The following PCDHA4 variants were observed in gnomAD, a reference collection of about 807,000 sequenced individuals.
The protein encoded by PCDHA4 is protocadherin alpha 4.
PCDHA4 carries 49 observed loss-of-function variants against 61.4 expected under a neutral mutation model. That is an observed-to-expected ratio of 0.80 (90% CI 0.63 to 1.01). PCDHA4 has a LOEUF of 1.01. Among genes scored for constraint, PCDHA4 ranks in the 50% least tolerant of loss-of-function variants. The pLI, the probability that PCDHA4 is intolerant of heterozygous loss-of-function variation, is 0.00. For missense variants in PCDHA4, 1,254 were observed against 1,235.8 expected, an observed-to-expected ratio of 1.01 and a Z score of -0.22; for synonymous variants, 590 against 550.3, an observed-to-expected ratio of 1.07 and a Z score of -1.01.
chr5:140,963,196 G>GA (rs199602110), intron 1 of PCDHA4, among the ~76,000 whole-genome samples: 256 of 147,602 alleles, frequency 1.7e-3, no homozygotes, highest in African/African-American at 4.3e-3. Flanking sequence ...CTGTGAAAAT[G>GA]AAAAAAAAAA....
At chr5:140,863,397 C>T in intron 1 of PCDHA4, 1 of 873,170 alleles carries the variant, frequency 1.1e-6, no homozygotes, top group Admixed American at 1.9e-5. Flanking sequence ...GCATGCCGGG[C>T]AAGCCCACGC....
At chr5:140,947,374 T>C (rs1252253428) in intron 1 of PCDHA4, among the ~76,000 whole-genome samples, 7 of 151,768 alleles carry the variant, frequency 4.6e-5, no homozygotes, top group Admixed American at 4.6e-4. Context: ...TTGATCTATA[T>C]GTTTATCCTT....
intron 1 of PCDHA4, among the ~76,000 whole-genome samples, chr5:140,933,174 A>G (rs1400055066): frequency 2.0e-5 from 3 of 151,742 alleles, no homozygotes; most frequent in Non-Finnish European, 3.0e-5. Context: ...AATTGATGGC[A>G]TAAGATAATG....
rs1178619077 is a variant in PCDHA4 at position 140,807,776 on chromosome 5, C to T, written c.589C>T (p.Arg197Trp). ...GGTAAAAGGTCTTGGGCTTATATTA[C>T]GGAAATCTTTAGACAGAGAAGAAGC... ...ELVKGLGLIL[R>W]KSLDREEAPE... is the part of the protein sequence containing the mutation. Residue 197 changes from arginine to tryptophan, a missense_variant, in exon 1 of 4, where the codon CGG becomes TGG. Coordinates refer to ENST00000530339, the MANE Select transcript of PCDHA4 (RefSeq NM_018907.4). 2 of 1,614,004 alleles carry T rather than the reference C, an allele frequency of 1.2e-6. No individual in the cohort carries two copies. The highest frequency in any genetic ancestry group is 3.3e-5 in the Admixed American group (2 of 60,000).
At chr5:140,884,908 T>C (rs1056953779) in intron 1 of PCDHA4, among the ~76,000 whole-genome samples, 1 of 152,234 alleles carries the variant, frequency 6.6e-6, no homozygotes, top group Admixed American at 6.5e-5. Flanking sequence ...TGTTGTATTC[T>C]TAATAGTTCT....
chr5:140,914,785 C>G (rs2153531678), intron 1 of PCDHA4, among the ~76,000 whole-genome samples: 1 of 151,672 alleles, frequency 6.6e-6, no homozygotes, highest in Non-Finnish European at 1.5e-5. Context: ...ATCTTATGAC[C>G]CATTATTTTA....
At chr5:140,980,397 C>T (rs888776890) in intron 2 of PCDHA4, among the ~76,000 whole-genome samples, 3 of 152,100 alleles carry the variant, frequency 2.0e-5, no homozygotes, top group South Asian at 2.1e-4. Context: ...TTTGGGAGGC[C>T]GAGGTGGGCA....
chr5:141,001,213 A>G (rs2097997873), intron 3 of PCDHA4, among the ~76,000 whole-genome samples: 1 of 152,154 alleles, frequency 6.6e-6, no homozygotes, highest in African/African-American at 2.4e-5. Context: ...TGTGCTGTAT[A>G]AGGATAGTTA....
intron 1 of PCDHA4, chr5:140,841,873 A>T: frequency 6.2e-7 from 1 of 1,613,866 alleles, no homozygotes; most frequent in Non-Finnish European, 8.5e-7. Context: ...ATGTGAATTC[A>T]AAGAACGATG....
chr5:140,849,560 C>T, intron 1 of PCDHA4: 1 of 1,598,572 alleles, frequency 6.3e-7, no homozygotes, highest in Non-Finnish European at 8.6e-7. Context: ...TCAAAACGCT[C>T]TCGGTTCCTG....
intron 1 of PCDHA4, chr5:140,843,873 T>C (rs1554140466): frequency 1.3e-6 from 1 of 797,276 alleles, no homozygotes; most frequent in Admixed American, 3.0e-5. Context: ...ATTTTCTCAG[T>C]GGCATAATAC....
At position 140,843,162 on chromosome 5, in the gene PCDHA4, C is replaced by G; in HGVS notation, c.2385+33590C>G. 1.9e-6 allele frequency: 3 copies of G among 1,596,122 alleles called. 1 individual carries two copies. The highest frequency in any genetic ancestry group is 2.6e-6 in the Non-Finnish European group (3 of 1,165,610). ...TGGCTTTCGTATGAGCTGCAGCCAG[C>G]TGCAAGCAGCCCTCGCATCCCGTTC... On this transcript the variant is annotated intron_variant, in intron 1 of 3. Coordinates refer to ENST00000530339, the MANE Select transcript of PCDHA4 (RefSeq NM_018907.4).
intron 1 of PCDHA4, chr5:140,871,109 T>C: frequency 1.9e-6 from 3 of 1,613,236 alleles, no homozygotes; most frequent in Non-Finnish European, 2.5e-6. Context: ...GTGTCGTTGG[T>C]GGAGAGCGGA....
chr5:140,845,302 C>A lies in PCDHA4; in HGVS notation c.2385+35730C>A, dbSNP rs2150378107. On this transcript the variant is annotated intron_variant, in intron 1 of 3. Coordinates refer to ENST00000530339, the MANE Select transcript of PCDHA4 (RefSeq NM_018907.4). ...TATTTCCTATCCTGTCTATGTCTAC[C>A]TGGTTCTCAGGTATTACTTTAATTA... is the stretch of plus-strand genomic sequence containing the variant. 3.4e-5 allele frequency among the ~76,000 whole-genome samples: 5 copies of A among 148,988 alleles called. 1 individual carries two copies. Among genetic ancestry groups the A allele is most frequent in the Non-Finnish European group, 6.0e-5 (4 of 66,584 alleles).
At chr5:140,966,654 T>G (rs1048894569) in intron 1 of PCDHA4, 2 of 1,185,100 alleles carry the variant, frequency 1.7e-6, no homozygotes, top group Non-Finnish European at 2.2e-6. Flanking sequence ...GCGTGAGCGG[T>G]GGGGGAGCAG....
chr5:140,877,120 A>G (rs782093528), intron 1 of PCDHA4: 4 of 1,613,684 alleles, frequency 2.5e-6, no homozygotes, highest in East Asian at 4.5e-5. Context: ...CAGCAACGTG[A>G]CGCTGCAGGT....
chr5:141,008,400 T>A (rs1347375750), intron 3 of PCDHA4, among the ~76,000 whole-genome samples: 3 of 152,082 alleles, frequency 2.0e-5, no homozygotes, highest in African/African-American at 7.2e-5. Context: ...GATGTCAGAG[T>A]TCCAATGTCA....
rs546789240 is a variant in PCDHA4 at position 140,938,168 on chromosome 5, G to A, written c.2386-40781G>A. Among the ~76,000 whole-genome samples, 6 of 152,184 alleles carry A rather than the reference G, an allele frequency of 3.9e-5. No homozygotes were observed. The South Asian group carries it at 1.2e-3, about 32-fold the overall frequency. Reference sequence around the variant, plus strand: ...ACTACATTGCCCAGGCTAGTCTGGAGCTCCTGGGCTCAAGCAATCCTCCCA... The same window carrying A: ...ACTACATTGCCCAGGCTAGTCTGGAACTCCTGGGCTCAAGCAATCCTCCCA... On this transcript the variant is annotated intron_variant, in intron 1 of 3. Coordinates refer to ENST00000530339, the MANE Select transcript of PCDHA4 (RefSeq NM_018907.4).
intron 1 of PCDHA4, chr5:140,841,384 C>T (rs1222164678): frequency 1.2e-6 from 2 of 1,613,362 alleles, no homozygotes; most frequent in Non-Finnish European, 1.7e-6. Context: ...TTCTGCTCCT[C>T]GCAGCCTGGA....
Sources: gnomAD v4.1 joint callset for allele counts (sites outside exome capture counted in the v4.1 genomes callset) on GRCh38, gnomAD v4.1.1 for gene constraint, MANE v1.5 for transcripts, NCBI Gene and HGNC (gene_info 2026-07-23, HGNC 2026-07-21) for gene names.